The following HERC2 variants were observed in gnomAD, a reference collection of about 807,000 sequenced individuals.
HERC2 encodes the protein HECT and RLD domain containing E3 ubiquitin protein ligase 2, also known as E3 ubiquitin-protein ligase HERC2.
Under a neutral mutation model 537.7 loss-of-function variants are expected in HERC2, and 102 were observed. The observed-to-expected ratio is 0.19, with a 90% CI of 0.16 to 0.22. The LOEUF is 0.22. HERC2 is among the 10% of genes least tolerant of loss of function. HERC2 has a pLI of 1.00. For synonymous variants in HERC2, 2,224 were observed against 2,466.2 expected, an observed-to-expected ratio of 0.90 and a Z score of 2.91; for missense variants, 4,236 against 6,198.2, an observed-to-expected ratio of 0.68 and a Z score of 10.63.
At chr15:28,224,866 T>C (rs1398335121) in intron 35 of HERC2, among the ~76,000 whole-genome samples, 1 of 152,072 alleles carries the variant, frequency 6.6e-6, no homozygotes, top group East Asian at 1.9e-4. Context: ...TACAAGTATA[T>C]GAAAATTAAA....
chr15:28,271,148 A>C (rs1177969130), intron 9 of HERC2, among the ~76,000 whole-genome samples: 2 of 152,194 alleles, frequency 1.3e-5, no homozygotes, highest in Non-Finnish European at 2.9e-5. Context: ...TACTAACATG[A>C]CCAAACCACC....
chr15:28,268,322 C>T lies in HERC2; in HGVS notation c.1598+143G>A. On this transcript the variant is annotated intron_variant, in intron 12 of 92. Transcript: ENST00000261609. This position sits in a 1 kb window ranked among gnomAD's most constrained non-coding sequence, Gnocchi z 4.7. ...TCCTAAGCCATCACCAAGGAGGAGG[C>T]ATATCGTAGTGTCCTGCTCCATCCC... 2 of 634,048 alleles carry T rather than the reference C, an allele frequency of 3.2e-6. No individual in the cohort carries two copies. The highest frequency in any genetic ancestry group is 5.7e-5 in the South Asian group (2 of 34,834). The allele number at this position is 634,048 out of a possible 1,614,324, so 39.3% of individuals were successfully genotyped here. A position where few individuals can be genotyped will look rare whatever the true frequency, so the allele number is the denominator to read the frequency against.
At chr15:28,173,343 A>G (rs1206931753) in intron 65 of HERC2, among the ~76,000 whole-genome samples, 15 of 152,124 alleles carry the variant, frequency 9.9e-5, no homozygotes, top group Admixed American at 9.8e-4. Flanking sequence ...ATAAATGGAT[A>G]AACAAATTGC....
chr15:28,229,572 C>T lies in HERC2; in HGVS notation c.5008G>A (p.Glu1670Lys), dbSNP rs755969205. The change falls in exon 33 of 93, where the codon GAA becomes AAA. Residue 1670 changes from glutamate (E) to lysine (K), a missense_variant. This residue lies in a region of HERC2 where 343 missense variants were observed against 417.2 expected (regional missense o/e 0.82). Transcript: ENST00000261609. The part of the protein sequence containing the change: ...KQLERAEVRL[E>K]GIDTILKLAS... ...AGTTTTAAAATTGTATCTATCCCTT[C>T]CAGGCGAACCTCTGCTCTCTCCAAC... is the stretch of plus-strand genomic sequence containing the variant. The T allele has an allele frequency of 1.6e-5, 26 of 1,612,704 alleles. No homozygotes were observed. The highest frequency in any genetic ancestry group is 2.0e-5 in the Non-Finnish European group (24 of 1,179,748).
chr15:28,214,151 A>G lies in HERC2; in HGVS notation c.6480T>C (p.Asn2160=), dbSNP rs1367626325. The G allele has an allele frequency of 6.2e-7, 1 of 1,613,838 alleles. No homozygotes were observed. The highest frequency in any genetic ancestry group is 2.2e-5 in the East Asian group (1 of 44,886). The change falls in exon 41 of 93, where the codon AAT becomes AAC. Residue 2160 remains asparagine (N), a synonymous_variant. Coordinates refer to ENST00000261609, the MANE Select transcript of HERC2 (RefSeq NM_004667.6). The stretch of plus-strand genomic sequence containing the variant: ...AGTTGATGTACTTGTTGATGAGCCC[A>G]TTCCACTGAGTCAGGGAGTGCAGCG... The part of the protein sequence containing the change: ...LRTLHSLTQW[N]GLINKYINSQ...
chr15:28,196,319 G>C lies in HERC2; in HGVS notation c.8156C>G (p.Ser2719Cys). ...ATCACAGTTTCTGCATTTGAATCTG[G>C]ATCCATTGATAGGAAACATCTGACA... ...DGCQMFPING[S>C]RFKCRNCDDF... Residue 2719 changes from serine to cysteine, a missense_variant, in exon 52 of 93, where the codon TCC becomes TGC. Physicochemically the swap from Ser to Cys is moderately radical, Grantham distance 112. Around this residue, in one of 27 missense-constraint regions of HERC2, gnomAD observed 606 missense variants for 884.5 expected, o/e 0.69. Coordinates refer to ENST00000261609, the MANE Select transcript of HERC2 (RefSeq NM_004667.6). The C allele has an allele frequency of 8.4e-6, 12 of 1,435,424 alleles. No homozygotes were observed. The highest frequency in any genetic ancestry group is 9.6e-6 in the Non-Finnish European group (10 of 1,037,140). 88.9% of individuals were successfully genotyped at this position (1,435,424 alleles called of 1,614,324 possible). A position where few individuals can be genotyped will look rare whatever the true frequency, so the allele number is the denominator to read the frequency against.
Position 28,214,089 on chromosome 15 carries a change from C to A in HERC2, c.6542G>T (p.Arg2181Met). The change falls in exon 41 of 93, where the codon AGG becomes ATG. Residue 2181 changes from arginine to methionine, a missense_variant. Around this residue, in one of 27 missense-constraint regions of HERC2, gnomAD observed 365 missense variants for 468.8 expected, o/e 0.78. Transcript: ENST00000261609. ...ACACAAACCCACCCCTTCGGAAGGC[C>A]TTCCCACAAAGCTGTGGGTGATGGA... ...LRSITHSFVG[R>M]PSEGAQLEDY... 2 of 1,614,156 alleles carry A rather than the reference C, an allele frequency of 1.2e-6. No homozygotes were observed. Among genetic ancestry groups the A allele is most frequent in the Non-Finnish European group, 1.7e-6 (2 of 1,179,960 alleles).
intron 35 of HERC2, 68 bp downstream of exon 35, chr15:28,228,150 G>T: frequency 2.6e-5 from 32 of 1,238,646 alleles, no homozygotes; most frequent in Non-Finnish European, 3.2e-5. Flanking sequence ...AAAAAGAAAA[G>T]AAAAGAAAAG....
intron 83 of HERC2, among the ~76,000 whole-genome samples, chr15:28,128,658 C>G (rs954759338): frequency 6.6e-6 from 1 of 152,184 alleles, no homozygotes; most frequent in Non-Finnish European, 1.5e-5. Flanking sequence ...AAAGATGGCG[C>G]CCACGTTTTT....
At chr15:28,281,556 G>A (rs1010234231) in intron 4 of HERC2, among the ~76,000 whole-genome samples, 6 of 152,156 alleles carry the variant, frequency 3.9e-5, no homozygotes, top group Admixed American at 2.0e-4. Flanking sequence ...TGCTCTCCAC[G>A]GGACAGGAGG....
At chr15:28,195,881 A>G (rs532322540) in intron 52 of HERC2, among the ~76,000 whole-genome samples, 35 of 152,400 alleles carry the variant, frequency 2.3e-4, no homozygotes, top group African/African-American at 7.9e-4. Context: ...TAAAAGGTAT[A>G]TAAATTAAAA....
At chr15:28,312,693 A>G (rs2076980485) in intron 2 of HERC2, 1 of 182,854 alleles carries the variant, frequency 5.5e-6, no homozygotes, top group Non-Finnish European at 1.1e-5. Context: ...GTAAAGTGAG[A>G]GTATTTATTT....
intron 33 of HERC2, 36 bp from the exon 34 acceptor site, chr15:28,229,382 C>T: frequency 6.2e-7 from 1 of 1,613,284 alleles, no homozygotes; most frequent in South Asian, 1.1e-5. Flanking sequence ...ACTTGGGACA[C>T]TGCCAGACTT....
chr15:28,135,638 A>T lies in HERC2; in HGVS notation c.12070T>A (p.Ser4024Thr). 1 of 1,614,020 alleles carries T rather than the reference A, an allele frequency of 6.2e-7. No homozygotes were observed. Among genetic ancestry groups the T allele is most frequent in the East Asian group, 2.2e-5 (1 of 44,878 alleles). The change falls in exon 79 of 93, where the codon TCG becomes ACG. Residue 4024 changes from serine to threonine, a missense_variant. By Grantham distance (58) the Ser-to-Thr change is moderately conservative (BLOSUM62 1). Around this residue, in one of 27 missense-constraint regions of HERC2, gnomAD observed 43 missense variants for 82.6 expected, o/e 0.52. Coordinates refer to ENST00000261609, the MANE Select transcript of HERC2 (RefSeq NM_004667.6). ...GGRLGIGGTE[S>T]VSTPTLLESI... ...TCAAGCAATGTTGGGGTGGACACCG[A>T]CTCTGTCCCTCCAATGCCTAGTCTG...
chr15:28,311,958 C>T (rs2076956832), intron 2 of HERC2, among the ~76,000 whole-genome samples: 1 of 152,082 alleles, frequency 6.6e-6, no homozygotes, highest in Non-Finnish European at 1.5e-5. Context: ...GAATAATTAC[C>T]ACCACCTTTC....
At chr15:28,228,487 A>C in intron 34 of HERC2, 78 bp from the exon 35 acceptor site, 2 of 1,311,962 alleles carry the variant, frequency 1.5e-6, no homozygotes, top group Non-Finnish European at 2.2e-6. Flanking sequence ...ACGGGCGATT[A>C]CTCTAAACAT....
chr15:28,237,655 T>C (rs1902604535), intron 25 of HERC2, among the ~76,000 whole-genome samples: 1 of 152,264 alleles, frequency 6.6e-6, no homozygotes, highest in South Asian at 2.1e-4. Flanking sequence ...AGCCCTGCCC[T>C]AATGGCATTT....
chr15:28,207,702 G>A (rs1218263492), intron 44 of HERC2, among the ~76,000 whole-genome samples: 1 of 152,020 alleles, frequency 6.6e-6, no homozygotes, highest in South Asian at 2.1e-4. Context: ...TACTCATCCA[G>A]GTACTCACAG....
intron 55 of HERC2, among the ~76,000 whole-genome samples, chr15:28,187,618 C>A (rs1896435783): frequency 6.6e-6 from 1 of 152,162 alleles, no homozygotes; most frequent in African/African-American, 2.4e-5. Context: ...CAGGAGTGAG[C>A]CACCGCGCCT....
Sources: gnomAD v4.1 joint callset for allele counts (sites outside exome capture counted in the v4.1 genomes callset) on GRCh38, gnomAD v4.1.1 for gene constraint, gnomAD v4.1.1 regional missense constraint, Gnocchi (gnomAD v3.1) non-coding constraint, MANE v1.5 for transcripts, NCBI Gene and HGNC (gene_info 2026-07-23, HGNC 2026-07-21) for gene names.